Variants in CFAP221 observed in about 807,000 individuals in gnomAD.
The protein encoded by CFAP221 is cilia and flagella associated protein 221, also known as cilia- and flagella-associated protein 221.
Under a neutral mutation model 113.1 loss-of-function variants are expected in CFAP221, and 97 were observed. That is an observed-to-expected ratio of 0.86 (90% CI 0.73 to 1.02). The LOEUF is 1.02. Ranked by LOEUF, CFAP221 falls within the 50% of genes least tolerant of loss-of-function variation. The pLI, the probability that CFAP221 is intolerant of heterozygous loss-of-function variation, is 0.00. For missense variants in CFAP221, 1,025 were observed against 1,013.4 expected (o/e 1.01, Z -0.16); for synonymous variants, 331 against 354.4 (o/e 0.93, Z 0.74).
chr2:119,591,943 G>A (rs1257684582), intron 7 of CFAP221, among the ~76,000 whole-genome samples: 1 of 152,192 alleles, frequency 6.6e-6, no homozygotes, highest in East Asian at 1.9e-4. Flanking sequence ...TAGAAGAAAT[G>A]AGGTTCAGCA....
At chr2:119,606,166 G>A (rs1291725060) in intron 11 of CFAP221, among the ~76,000 whole-genome samples, 2 of 149,260 alleles carry the variant, frequency 1.3e-5, no homozygotes, top group Admixed American at 6.7e-5. Flanking sequence ...ACCATGCCCA[G>A]CAAATTTTTT....
intron 11 of CFAP221, among the ~76,000 whole-genome samples, chr2:119,605,734 G>T (rs960950812): frequency 1.3e-5 from 2 of 152,144 alleles, no homozygotes; most frequent in Non-Finnish European, 2.9e-5. Context: ...GAGAATTCTT[G>T]TGCTTCTGTG....
chr2:119,655,563 C>T (rs1248297981), intron 23 of CFAP221, among the ~76,000 whole-genome samples: 1 of 152,148 alleles, frequency 6.6e-6, no homozygotes, highest in African/African-American at 2.4e-5. Flanking sequence ...TTATATTGCC[C>T]AAGCAGATTA....
intron 23 of CFAP221, 95 bp from the exon 24 acceptor site, chr2:119,656,267 C>A: frequency 2.2e-6 from 2 of 893,758 alleles, no homozygotes; most frequent in Non-Finnish European, 1.8e-6. Flanking sequence ...AAACGAAATG[C>A]TCCTCCGACC....
At chr2:119,572,656 C>T (rs1682150469) in intron 6 of CFAP221, 2 of 678,180 alleles carry the variant, frequency 2.9e-6, no homozygotes, top group African/African-American at 3.5e-5. Flanking sequence ...TGACTTTAAC[C>T]AATTGGTTAG....
At chr2:119,638,696 A>G (rs367746945) in intron 20 of CFAP221, among the ~76,000 whole-genome samples, 4 of 152,252 alleles carry the variant, frequency 2.6e-5, no homozygotes, top group African/African-American at 4.8e-5. Flanking sequence ...TTGTATTTCA[A>G]TCATGTAAAA....
chr2:119,634,178 A>G (rs962310299), intron 19 of CFAP221, among the ~76,000 whole-genome samples: 2 of 152,180 alleles, frequency 1.3e-5, no homozygotes, highest in African/African-American at 4.8e-5. Context: ...ATGTTTCCAG[A>G]AGTATTAAAA....
At chr2:119,609,469 G>A (rs1254603224) in intron 12 of CFAP221, among the ~76,000 whole-genome samples, 1 of 152,156 alleles carries the variant, frequency 6.6e-6, no homozygotes, top group African/African-American at 2.4e-5. Context: ...AGCCATGAGT[G>A]AAGGATCCAT....
At chr2:119,555,020 C>T (rs1190214256) in intron 3 of CFAP221, among the ~76,000 whole-genome samples, 1 of 152,170 alleles carries the variant, frequency 6.6e-6, no homozygotes, top group Non-Finnish European at 1.5e-5. Flanking sequence ...GGAGAATAGA[C>T]TCCCCCAAGG....
chr2:119,630,857 G>C lies in CFAP221; in HGVS notation c.1930G>C (p.Glu644Gln). Residue 644 changes from glutamate (E) to glutamine (Q), a missense_variant, in exon 19 of 24, where the codon GAG becomes CAG. Coordinates refer to ENST00000413369, the MANE Select transcript of CFAP221 (RefSeq NM_001271049.2). ...KTSVLSMKPP[E>Q]ALAMSLDYDP... ...ATCAGTCTTGAGCATGAAACCACCTGAGGCCTTAGCCATGTCTCTAGATTA... is the reference window on the plus strand; with the variant it reads ...ATCAGTCTTGAGCATGAAACCACCTCAGGCCTTAGCCATGTCTCTAGATTA... 3.1e-6 allele frequency: 5 copies of C among 1,613,564 alleles called. No individual in the cohort carries two copies. Among genetic ancestry groups the C allele is most frequent in the Non-Finnish European group, 4.2e-6 (5 of 1,179,456 alleles).
chr2:119,630,460 T>A, intron 17 of CFAP221, 110 bp from the exon 18 acceptor site: 3 of 777,120 alleles, frequency 3.9e-6, no homozygotes, highest in Non-Finnish European at 2.1e-6. Flanking sequence ...TACAACATGG[T>A]GCTTGTCTTA....
chr2:119,631,518 CA>C (rs1172757119), intron 19 of CFAP221, among the ~76,000 whole-genome samples: 3 of 151,972 alleles, frequency 2.0e-5, no homozygotes, highest in African/African-American at 7.2e-5. Context: ...ACTAAAAGTA[CA>C]AAAAAATTAG....
intron 14 of CFAP221, among the ~76,000 whole-genome samples, chr2:119,617,781 C>T (rs182456565): frequency 1.3e-5 from 2 of 152,360 alleles, no homozygotes; most frequent in Non-Finnish European, 2.9e-5. Context: ...TGTCTCTCCC[C>T]TGCTGAAACC....
At chr2:119,575,319 G>A (rs912815849) in intron 6 of CFAP221, among the ~76,000 whole-genome samples, 2 of 151,996 alleles carry the variant, frequency 1.3e-5, no homozygotes, top group Non-Finnish European at 2.9e-5. Flanking sequence ...CGTGTTCTCG[G>A]GCCCCAGCCA....
chr2:119,563,997 G>C (rs1276744918), intron 6 of CFAP221, among the ~76,000 whole-genome samples: 5 of 152,206 alleles, frequency 3.3e-5, no homozygotes, highest in African/African-American at 1.2e-4. Context: ...GTAAATGCCA[G>C]ATCCCTCTAG....
At chr2:119,581,658 A>G (rs1169759221) in intron 6 of CFAP221, among the ~76,000 whole-genome samples, 1 of 152,226 alleles carries the variant, frequency 6.6e-6, no homozygotes, top group African/African-American at 2.4e-5. Flanking sequence ...ATGGTATAGA[A>G]TAATACCAAG....
At chr2:119,618,615 G>A (rs1190058371) in intron 14 of CFAP221, among the ~76,000 whole-genome samples, 1 of 152,156 alleles carries the variant, frequency 6.6e-6, no homozygotes, top group Non-Finnish European at 1.5e-5. Flanking sequence ...TCCTTCGGGT[G>A]CCTACACCAC....
intron 19 of CFAP221, among the ~76,000 whole-genome samples, chr2:119,635,133 C>T (rs954250123): frequency 6.6e-6 from 1 of 152,180 alleles, no homozygotes; most frequent in Admixed American, 6.5e-5. Flanking sequence ...AATAATACAT[C>T]ATTAACAATG....
intron 3 of CFAP221, among the ~76,000 whole-genome samples, chr2:119,554,831 T>C (rs1203995232): frequency 2.0e-5 from 3 of 152,248 alleles, no homozygotes; most frequent in Admixed American, 6.5e-5. Context: ...AAAGAACTTA[T>C]AAGGCTGCTT....
Sources: allele counts gnomAD v4.1 joint callset (sites outside exome capture counted in the v4.1 genomes callset), GRCh38; gene constraint gnomAD v4.1.1; transcripts MANE v1.5; gene names NCBI Gene and HGNC (gene_info 2026-07-23, HGNC 2026-07-21).